The following HEATR5B variants were observed in gnomAD, a reference collection of about 807,000 sequenced individuals.
The protein encoded by HEATR5B is HEAT repeat containing 5B.
HEATR5B carries 156 observed loss-of-function variants against 224.1 expected under a neutral mutation model. The observed-to-expected ratio is 0.70, with a 90% CI of 0.61 to 0.80. The LOEUF is 0.80. Ranked by LOEUF, HEATR5B falls within the 30% of genes least tolerant of loss-of-function variation. The probability of loss-of-function intolerance (pLI) is 0.00; values close to 1 mark genes in which losing one functional copy is unlikely to be tolerated. For missense variants in HEATR5B, 2,323 were observed against 2,535.5 expected (o/e 0.92, Z 1.80); for synonymous variants, 1,027 against 893.0 (o/e 1.15, Z -2.68).
chr2:37,032,103 G>A (rs563857808), intron 22 of HEATR5B, among the ~76,000 whole-genome samples: 1 of 152,246 alleles, frequency 6.6e-6, no homozygotes, highest in African/African-American at 2.4e-5. Context: ...TACATCGCAA[G>A]AGGCTAACTA....
Position 37,072,119 on chromosome 2 carries a change from G to A in HEATR5B, c.760C>T (p.Gln254Ter). The stretch of plus-strand genomic sequence containing the variant: ...GGGCAAACAACAATACCTGTTGCCT[G>A]TTTTGGCATTAATGCTGTGGCCATG... ...TVMATALMPK[Q>*]ATVMRQNVKR... The change falls in exon 6 of 36, where the codon CAG becomes TAG. Residue 254 changes from glutamine (Q) to a stop codon, truncating the protein, a stop_gained. Coordinates refer to ENST00000233099, the MANE Select transcript of HEATR5B (RefSeq NM_019024.3). LOFTEE classifies it high-confidence loss of function. 3 of 1,612,288 alleles carry A rather than the reference G, an allele frequency of 1.9e-6. No individual in the cohort carries two copies. The highest frequency in any genetic ancestry group is 2.5e-6 in the Non-Finnish European group (3 of 1,178,936).
chr2:37,018,987 C>G (rs1016898817), intron 26 of HEATR5B, among the ~76,000 whole-genome samples: 5 of 151,980 alleles, frequency 3.3e-5, no homozygotes, highest in African/African-American at 9.7e-5. Context: ...TGGTGAAACA[C>G]TGTCTCTATT....
chr2:36,989,999 T>C (rs1341530622), intron 34 of HEATR5B, among the ~76,000 whole-genome samples: 2 of 147,296 alleles, frequency 1.4e-5, no homozygotes, highest in East Asian at 3.9e-4. Flanking sequence ...CCTCCTGGGT[T>C]CAAGTGATTC....
Position 36,990,669 on chromosome 2 carries a change from T to A in HEATR5B, c.5676A>T (p.Ala1892=). The change falls in exon 34 of 36, where the codon GCA becomes GCT. Residue 1892 remains alanine (A), a synonymous_variant. Coordinates refer to ENST00000233099, the MANE Select transcript of HEATR5B (RefSeq NM_019024.3). ...TTACCCATGGGTCGCATGAATTTAATGCATTTTTAAATCTGTTCATGCAGC... is the reference window on the plus strand; with the variant it reads ...TTACCCATGGGTCGCATGAATTTAAAGCATTTTTAAATCTGTTCATGCAGC... The part of the protein sequence containing the change: ...QNGCMNRFKN[A]LNSCDPWVQA... The A allele has an allele frequency of 6.3e-7, 1 of 1,594,856 alleles. No homozygotes were observed. Among genetic ancestry groups the A allele is most frequent in the African/African-American group, 1.3e-5 (1 of 74,288 alleles).
chr2:36,983,824 G>C (rs748050958), intron 35 of HEATR5B, among the ~76,000 whole-genome samples: 6 of 151,938 alleles, frequency 3.9e-5, no homozygotes, highest in Non-Finnish European at 5.9e-5. Flanking sequence ...CAGTATATTG[G>C]CTTGCTAAAT....
intron 16 of HEATR5B, among the ~76,000 whole-genome samples, chr2:37,054,085 A>C (rs915057490): frequency 6.6e-6 from 1 of 151,876 alleles, no homozygotes; most frequent in African/African-American, 2.4e-5. Context: ...AGCTTTGGCT[A>C]ATTTTTTTAA....
intron 2 of HEATR5B, among the ~76,000 whole-genome samples, chr2:37,080,938 G>C (rs548043326): frequency 6.6e-6 from 1 of 152,256 alleles, no homozygotes; most frequent in African/African-American, 2.4e-5. Flanking sequence ...CAATCTTATT[G>C]TTTAATTTGG....
intron 5 of HEATR5B, among the ~76,000 whole-genome samples, chr2:37,074,073 G>A (rs1672075913): frequency 6.6e-6 from 1 of 152,160 alleles, no homozygotes; most frequent in Admixed American, 6.5e-5. Context: ...TGTAATCCCA[G>A]TAGTTTGGGA....
At chr2:37,016,301 C>A (rs576883181) in intron 26 of HEATR5B, among the ~76,000 whole-genome samples, 1 of 151,920 alleles carries the variant, frequency 6.6e-6, no homozygotes, top group African/African-American at 2.4e-5. Context: ...TTAGTAGAGA[C>A]GGGGTTTCAC....
chr2:36,990,220 A>T (rs185274870), intron 34 of HEATR5B, among the ~76,000 whole-genome samples: 1 of 152,236 alleles, frequency 6.6e-6, no homozygotes, highest in Non-Finnish European at 1.5e-5. Context: ...GCTTTTTAAA[A>T]TTTCTGACGT....
intron 23 of HEATR5B, 28 bp downstream of exon 23, chr2:37,028,653 A>G: frequency 6.3e-7 from 1 of 1,594,714 alleles, no homozygotes; most frequent in Non-Finnish European, 8.6e-7. Flanking sequence ...AATTTCCATT[A>G]TTTTAAGAAC....
At position 37,007,000 on chromosome 2, in the gene HEATR5B, T is replaced by C. The variant is rs182127043; in HGVS notation, c.4777+50A>G. The stretch of plus-strand genomic sequence containing the variant: ...TTCCATAGCTTTAAAATGAAAGATA[T>C]GAATTTTCAGAAGTGATAATCTTGA... On this transcript the variant is annotated intron_variant, in intron 29 of 35. Coordinates refer to ENST00000233099, the MANE Select transcript of HEATR5B (RefSeq NM_019024.3). 525 of 1,563,262 alleles carry C rather than the reference T, an allele frequency of 3.4e-4. 2 individuals are homozygous for C. In the African/African-American group the frequency reaches 5.3e-3, roughly 16 times the overall value.
chr2:36,993,541 T>TAAA (rs1010348134), intron 33 of HEATR5B, among the ~76,000 whole-genome samples: 1 of 129,240 alleles, frequency 7.7e-6, no homozygotes, highest in Admixed American at 7.9e-5. Context: ...AGACTCTGTT[T>TAAA]AAAAAAAAAA....
chr2:37,016,968 G>C (rs970382273), intron 26 of HEATR5B, among the ~76,000 whole-genome samples: 13 of 152,002 alleles, frequency 8.6e-5, no homozygotes, highest in Non-Finnish European at 1.9e-4. Context: ...TGAAAAGAAA[G>C]AGCTGTTACT....
intron 21 of HEATR5B, 87 bp from the exon 22 acceptor site, chr2:37,032,860 A>G: frequency 2.9e-6 from 3 of 1,043,902 alleles, no homozygotes; most frequent in Non-Finnish European, 4.1e-6. Context: ...ATATATACAT[A>G]CATACATATA....
intron 21 of HEATR5B, among the ~76,000 whole-genome samples, chr2:37,034,504 T>C (rs866502844): frequency 0.034 from 4,785 of 139,858 alleles, 116 homozygotes; most frequent in Non-Finnish European, 0.052. Context: ...TCCCAGCTAC[T>C]TGGGAGGCTG....
chr2:37,026,137 G>T (rs1351502113), intron 24 of HEATR5B, among the ~76,000 whole-genome samples: 1 of 152,214 alleles, frequency 6.6e-6, no homozygotes, highest in Non-Finnish European at 1.5e-5. Flanking sequence ...TCAGAGACAT[G>T]TGACGACTGA....
At chr2:37,030,472 T>C (rs1435032076) in intron 22 of HEATR5B, among the ~76,000 whole-genome samples, 2 of 152,162 alleles carry the variant, frequency 1.3e-5, no homozygotes, top group African/African-American at 4.8e-5. Flanking sequence ...GAGGACAAAT[T>C]CCTTAAAAGA....
intron 17 of HEATR5B, 84 bp from the exon 18 acceptor site, chr2:37,049,927 C>A: frequency 7.6e-7 from 1 of 1,316,890 alleles, no homozygotes; most frequent in Middle Eastern, 2.7e-4. Flanking sequence ...GTCTTGCTCC[C>A]TTGCCCAGGC....
Sources: gnomAD v4.1 joint callset for allele counts (sites outside exome capture counted in the v4.1 genomes callset) on GRCh38, gnomAD v4.1.1 for gene constraint, MANE v1.5 for transcripts, NCBI Gene and HGNC (gene_info 2026-07-23, HGNC 2026-07-21) for gene names.